TUT4: variants seen among roughly 807,000 people sequenced by gnomAD.
TUT4 encodes terminal uridylyltransferase 4.
A neutral mutation model predicts 192.2 loss-of-function variants in TUT4; 36 were observed. The observed-to-expected ratio is 0.19, with a 90% confidence interval of 0.14 to 0.25. The LOEUF (loss-of-function observed/expected upper bound fraction) is 0.25, where lower values mean the gene tolerates loss of function less well. TUT4 is among the 10% of genes least tolerant of loss of function. The pLI, the probability that TUT4 is intolerant of heterozygous loss-of-function variation, is 1.00. For missense variants in TUT4, 1,493 were observed against 1,957.2 expected, an observed-to-expected ratio of 0.76 and a Z score of 4.47; for synonymous variants, 618 against 666.0, an observed-to-expected ratio of 0.93 and a Z score of 1.11.
intron 4 of TUT4, among the ~76,000 whole-genome samples, chr1:52,508,535 GA>G (rs889117995): frequency 6.6e-6 from 1 of 152,054 alleles, no homozygotes; most frequent in Non-Finnish European, 1.5e-5. Context: ...AAGGAACTCA[GA>G]AACAAAAATA....
chr1:52,435,911 GTCTCTCTCTCTC>G (rs143687198), intron 26 of TUT4, among the ~76,000 whole-genome samples: 1 of 147,824 alleles, frequency 6.8e-6, no homozygotes, highest in Non-Finnish European at 1.5e-5. Context: ...CTCTCTCTAT[GTCTCTCTCTCTC>G]TCTCTCTCTC....
At chr1:52,424,086 T>G in intron 29 of TUT4, 84 bp from the exon 30 acceptor site, 2 of 1,366,752 alleles carry the variant, frequency 1.5e-6, no homozygotes, top group Non-Finnish European at 2.0e-6. Context: ...GTAGTTAGCT[T>G]TCTTTTTTTC....
At chr1:52,523,605 C>A (rs1289668894) in intron 2 of TUT4, among the ~76,000 whole-genome samples, 3 of 150,730 alleles carry the variant, frequency 2.0e-5, no homozygotes, top group Non-Finnish European at 3.0e-5. Context: ...AAAACAAAAC[C>A]AAACCAAAAC....
chr1:52,543,835 C>T (rs913180289), intron 1 of TUT4, among the ~76,000 whole-genome samples: 1 of 152,046 alleles, frequency 6.6e-6, no homozygotes, highest in African/African-American at 2.4e-5. Flanking sequence ...ACATTTAATG[C>T]AATCCCTATC....
At chr1:52,455,354 A>C (rs1028777145) in intron 20 of TUT4, among the ~76,000 whole-genome samples, 11 of 152,038 alleles carry the variant, frequency 7.2e-5, no homozygotes, top group Non-Finnish European at 1.5e-5. Flanking sequence ...TTTGCCATTA[A>C]AAGTAATCTC....
rs539856837 is a variant in TUT4, at chr1:52,523,284, C to T, written c.718+2279G>A. Among the ~76,000 whole-genome samples the T allele has an allele frequency of 3.0e-4, 45 of 151,892 alleles. No individual in the cohort carries two copies. In the South Asian group the frequency reaches 3.1e-3, roughly 11 times the overall value. Reference sequence around the variant, plus strand: ...CTGGGATTACAGGCATGAGCCACCGCGCCTGGCCAATTAAGTGACCTTAAA... The same window carrying T: ...CTGGGATTACAGGCATGAGCCACCGTGCCTGGCCAATTAAGTGACCTTAAA... On this transcript the variant is annotated intron_variant, in intron 2 of 29. Coordinates refer to ENST00000257177, the MANE Select transcript of TUT4 (RefSeq NM_001009881.3).
chr1:52,481,937 G>A lies in TUT4; in HGVS notation c.1516-14C>T. The stretch of plus-strand genomic sequence containing the variant: ...AATATAGCACAACTGCAAAATGAAG[G>A]GGAAAAAAGTACTACCATTTAGCTT... On this transcript the variant is annotated splice_polypyrimidine_tract_variant and intron_variant, in intron 9 of 29. Transcript: ENST00000257177. The A allele has an allele frequency of 1.4e-6, 2 of 1,480,424 alleles. No individual in the cohort carries two copies. Among genetic ancestry groups the A allele is most frequent in the South Asian group, 1.5e-5 (1 of 65,360 alleles). 91.7% of individuals were successfully genotyped at this position (1,480,424 alleles called of 1,614,324 possible).
intron 4 of TUT4, among the ~76,000 whole-genome samples, chr1:52,500,866 G>A (rs1280133067): frequency 6.6e-6 from 1 of 152,022 alleles, no homozygotes; most frequent in Admixed American, 6.6e-5. Context: ...GCAGGAGGTA[G>A]AGGCTACAGC....
intron 5 of TUT4, among the ~76,000 whole-genome samples, chr1:52,496,082 A>G (rs1672373121): frequency 6.6e-6 from 1 of 152,166 alleles, no homozygotes; most frequent in African/African-American, 2.4e-5. Context: ...TATTCCAAAA[A>G]TCATAATAAG....
chr1:52,514,049 T>G (rs1678009879), intron 3 of TUT4, among the ~76,000 whole-genome samples: 1 of 152,182 alleles, frequency 6.6e-6, no homozygotes, highest in Admixed American at 6.5e-5. Context: ...GGAGATAGAA[T>G]CAGGTTCCAG....
chr1:52,502,884 A>C (rs933728289), intron 4 of TUT4, among the ~76,000 whole-genome samples: 1 of 152,042 alleles, frequency 6.6e-6, no homozygotes, highest in African/African-American at 2.4e-5. Flanking sequence ...TTGGCCTCCC[A>C]AAGTACTAGG....
Position 52,475,495 on chromosome 1 carries a change from G to A in TUT4, c.2064C>T (p.Asn688=), listed in dbSNP as rs751583116. The change falls in exon 13 of 30, where the codon AAC becomes AAT. Residue 688 remains asparagine, a synonymous_variant. Coordinates refer to ENST00000257177, the MANE Select transcript of TUT4 (RefSeq NM_001009881.3). ...SVKRNVARSL[N]SQLVYEYVVE... ...CAACATATTCGTAAACCAGCTGGCT[G>A]TTTAAGCTCCGTGCAACATTCCTCT... 5 of 1,613,920 alleles carry A rather than the reference G, an allele frequency of 3.1e-6. No homozygotes were observed. In the South Asian group the frequency reaches 5.5e-5, roughly 18 times the overall value.
intron 9 of TUT4, among the ~76,000 whole-genome samples, chr1:52,484,223 T>A (rs1669222779): frequency 6.6e-6 from 1 of 151,794 alleles, no homozygotes; most frequent in South Asian, 2.1e-4. Context: ...CTGAAAAAAA[T>A]TAAAATGTTA....
intron 1 of TUT4, among the ~76,000 whole-genome samples, chr1:52,537,018 G>A (rs1054183420): frequency 1.3e-5 from 2 of 151,526 alleles, no homozygotes; most frequent in Non-Finnish European, 2.9e-5. Context: ...AAATTAGCCG[G>A]GCATGGTGGC....
intron 20 of TUT4, among the ~76,000 whole-genome samples, chr1:52,453,025 AC>A (rs759504306): frequency 6.6e-6 from 1 of 150,776 alleles, no homozygotes. Context: ...TATGGGGAAA[AC>A]CCCCCCAACA....
intron 16 of TUT4, chr1:52,463,592 C>A: frequency 7.8e-7 from 1 of 1,275,380 alleles, no homozygotes; most frequent in Non-Finnish European, 1.0e-6. Flanking sequence ...GGCCTCACCC[C>A]AATCTTGCAA....
Position 52,459,594 on chromosome 1 carries a change from T to C in TUT4, c.3322-1145A>G, listed in dbSNP as rs183985832. Among the ~76,000 whole-genome samples, 129 of 150,844 alleles carry C rather than the reference T, an allele frequency of 8.6e-4. 2 individuals carry two copies. The East Asian group carries it at 0.022, about 26-fold the overall frequency. On this transcript the variant is annotated intron_variant, in intron 19 of 29. Coordinates refer to ENST00000257177, the MANE Select transcript of TUT4 (RefSeq NM_001009881.3). ...ACAGAGTGGAATCCTGCCTCAAAAATAAAAATAAAGGCTGGGGGTGGTGGC... is the reference window on the plus strand; with the variant it reads ...ACAGAGTGGAATCCTGCCTCAAAAACAAAAATAAAGGCTGGGGGTGGTGGC...
intron 7 of TUT4, among the ~76,000 whole-genome samples, chr1:52,491,918 C>T (rs532713209): frequency 6.3e-4 from 96 of 152,120 alleles, no homozygotes; most frequent in Non-Finnish European, 8.7e-4. Context: ...ACATATAAAT[C>T]CTGTAGGTGA....
intron 7 of TUT4, among the ~76,000 whole-genome samples, chr1:52,492,168 T>C (rs773378435): frequency 2.6e-5 from 4 of 152,106 alleles, no homozygotes; most frequent in Non-Finnish European, 4.4e-5. Flanking sequence ...GAAACAAGTA[T>C]TGAAGAAAGA....
Sources: gnomAD v4.1 joint callset for allele counts (sites outside exome capture counted in the v4.1 genomes callset) on GRCh38, gnomAD v4.1.1 for gene constraint, MANE v1.5 for transcripts, NCBI Gene and HGNC (gene_info 2026-07-23, HGNC 2026-07-21) for gene names.